GEMIN5: variants seen among roughly 807,000 people sequenced by gnomAD.
GEMIN5 encodes the protein gem-associated protein 5.
GEMIN5 carries 124 observed loss-of-function variants against 176.9 expected under a neutral mutation model. The ratio of observed to expected loss-of-function variants is 0.70; its 90% confidence interval spans 0.61 to 0.81. The LOEUF is 0.81. Ranked by LOEUF, GEMIN5 falls within the 40% of genes least tolerant of loss-of-function variation. The pLI is 0.00. For missense variants in GEMIN5, 1,843 were observed against 1,814.6 expected (o/e 1.02, Z -0.28); for synonymous variants, 673 against 665.2 (o/e 1.01, Z -0.18).
intron 3 of GEMIN5, 137 bp downstream of exon 3, chr5:154,935,704 T>C (rs1011995913): frequency 2.2e-5 from 14 of 622,966 alleles, no homozygotes; most frequent in Non-Finnish European, 3.7e-5. Context: ...GAATAAATGA[T>C]GCCAGGGGCT....
chr5:154,905,203 C>CA (rs933485601), intron 17 of GEMIN5, among the ~76,000 whole-genome samples, 160 bp downstream of exon 17: 4 of 151,764 alleles, frequency 2.6e-5, no homozygotes, highest in Non-Finnish European at 5.9e-5. Flanking sequence ...TCAAAACAAA[C>CA]AAAAAACAAA....
At chr5:154,907,560 T>C (rs1411058513) in intron 16 of GEMIN5, 31 bp downstream of exon 16, 2 of 1,538,512 alleles carry the variant, frequency 1.3e-6, no homozygotes, top group South Asian at 1.1e-5. Context: ...GACCATGAAA[T>C]CCTAGTGATA....
At chr5:154,897,275 T>C (rs1763370023) in intron 23 of GEMIN5, among the ~76,000 whole-genome samples, 1 of 152,218 alleles carries the variant, frequency 6.6e-6, no homozygotes, top group Admixed American at 6.5e-5. Context: ...GTAGGCCCTG[T>C]ACTCTGTTAG....
rs1763419326 is a variant in GEMIN5, at chr5:154,899,326, G to A, written c.3015-16C>T. On this transcript the variant is annotated splice_polypyrimidine_tract_variant and intron_variant, in intron 21 of 27. Transcript: ENST00000285873. ...AATAGCTTCCCTAAAGGCAAGAACA[G>A]ACCCTTTAGCCAATCTGAAAAGGCT... 1.2e-6 allele frequency: 2 copies of A among 1,600,712 alleles called. No homozygotes were observed. The highest frequency in any genetic ancestry group is 1.7e-5 in the Admixed American group (1 of 58,308).
At chr5:154,916,279 C>G (rs1212493496) in intron 13 of GEMIN5, among the ~76,000 whole-genome samples, 1 of 151,622 alleles carries the variant, frequency 6.6e-6, no homozygotes, top group Non-Finnish European at 1.5e-5. Context: ...GAGAAAAAAA[C>G]TGCAAGCACT....
intron 20 of GEMIN5, among the ~76,000 whole-genome samples, 163 bp downstream of exon 20, chr5:154,902,376 A>G (rs1763482796): frequency 6.6e-6 from 1 of 152,000 alleles, no homozygotes; most frequent in African/African-American, 2.4e-5. Flanking sequence ...TTTTTTTCAA[A>G]GGGGTTGGGT....
rs773620540 is a variant in GEMIN5 at position 154,920,047 on chromosome 5, C to CA, written c.1518dup (p.Val507CysfsTer5). ...AGCTTCCAGGGATTATGCTGTAAGA[C>CA]AATCCCTTCTCCTCCACAGCTGTAT... On this transcript the variant is annotated frameshift_variant, in exon 11 of 28. Transcript: ENST00000285873. LOFTEE classifies it high-confidence loss of function. The CA allele has an allele frequency of 6.2e-7, 1 of 1,609,272 alleles. No individual in the cohort carries two copies. Among genetic ancestry groups the CA allele is most frequent in the South Asian group, 1.1e-5 (1 of 90,968 alleles).
intron 27 of GEMIN5, 83 bp from the exon 28 acceptor site, chr5:154,888,460 A>G (rs1763154038): frequency 3.5e-6 from 4 of 1,159,064 alleles, no homozygotes; most frequent in Non-Finnish European, 3.7e-6. Flanking sequence ...CCAGTCACTC[A>G]GGTTCATCTA....
At chr5:154,893,128 G>A (rs932575461) in intron 24 of GEMIN5, among the ~76,000 whole-genome samples, 1 of 151,702 alleles carries the variant, frequency 6.6e-6, no homozygotes, top group African/African-American at 2.4e-5. Context: ...AAAACAAAAA[G>A]TGAGTTTCTG....
chr5:154,889,140 C>T (rs576583151), intron 27 of GEMIN5, among the ~76,000 whole-genome samples, 181 bp downstream of exon 27: 62 of 149,148 alleles, frequency 4.2e-4, no homozygotes, highest in Admixed American at 1.1e-3. Flanking sequence ...CCTCCCAAAG[C>T]GCTGGGATTA....
chr5:154,927,529 A>C lies in GEMIN5; in HGVS notation c.936T>G (p.Asp312Glu). 4 of 1,608,592 alleles carry C rather than the reference A, an allele frequency of 2.5e-6. No individual in the cohort carries two copies. The highest frequency in any genetic ancestry group is 3.4e-6 in the Non-Finnish European group (4 of 1,175,520). Residue 312 changes from aspartate to glutamate, a missense_variant, in exon 7 of 28, where the codon GAT becomes GAG. Physicochemically the swap from Asp to Glu is conservative, Grantham distance 45 (BLOSUM62 2). Coordinates refer to ENST00000285873, the MANE Select transcript of GEMIN5 (RefSeq NM_015465.5). ...SCFGGELLQW[D>E]LTQSWRRKYT... Reference sequence around the variant, plus strand: ...ATTTCCGTCTCCAAGATTGAGTGAGATCCCATTGCAACAGTTCACCTCTGT... The same window carrying C: ...ATTTCCGTCTCCAAGATTGAGTGAGCTCCCATTGCAACAGTTCACCTCTGT...
intron 24 of GEMIN5, among the ~76,000 whole-genome samples, chr5:154,892,822 G>A (rs1763263843): frequency 1.3e-5 from 2 of 152,214 alleles, no homozygotes; most frequent in Admixed American, 1.3e-4. Context: ...AAGTGGGCCA[G>A]GCGCGGTGGC....
At chr5:154,889,742 A>C (rs1763186332) in intron 26 of GEMIN5, among the ~76,000 whole-genome samples, 1 of 152,204 alleles carries the variant, frequency 6.6e-6, no homozygotes, top group Non-Finnish European at 1.5e-5. Flanking sequence ...TAGTTCATAT[A>C]AGTGGAGTCA....
intron 11 of GEMIN5, among the ~76,000 whole-genome samples, chr5:154,918,568 C>A (rs963930105): frequency 6.6e-6 from 1 of 152,208 alleles, no homozygotes; most frequent in African/African-American, 2.4e-5. Context: ...CTGATCCACA[C>A]ATTCAAGTGC....
intron 9 of GEMIN5, among the ~76,000 whole-genome samples, chr5:154,922,719 T>C (rs1447819610): frequency 1.4e-5 from 2 of 146,028 alleles, no homozygotes; most frequent in Non-Finnish European, 3.0e-5. Context: ...TTTTTTGAGA[T>C]GGAGTCTTGC....
At chr5:154,920,649 T>G (rs1582668959) in intron 10 of GEMIN5, among the ~76,000 whole-genome samples, 1 of 152,320 alleles carries the variant, frequency 6.6e-6, no homozygotes, top group East Asian at 1.9e-4. Context: ...AAATACCCAG[T>G]AAACATTTGT....
At position 154,919,949 on chromosome 5, in the gene GEMIN5, A is replaced by G. The variant is rs772220418; in HGVS notation, c.1599+18T>C. 64 of 1,609,944 alleles carry G rather than the reference A, an allele frequency of 4.0e-5. No homozygotes were observed. The highest frequency in any genetic ancestry group is 5.3e-5 in the Non-Finnish European group (63 of 1,178,074). ...CTGTGATGTAAAAAGAAAATACTTC[A>G]GGACCACAAGAACTCACTTTGATTG... On this transcript the variant is annotated intron_variant, in intron 11 of 27. Transcript: ENST00000285873.
rs1763703393 is a variant in GEMIN5, at chr5:154,911,732, G to A, written c.2162C>T (p.Pro721Leu). ...AGCTCTAGGTTCTGACTGACCTTGA[G>A]GAGGCCGGGAATGATCTTGCATGGA... ...LTSMQDHSRPPQGKKSIELEK... is the reference protein window; with the variant it reads ...LTSMQDHSRPLQGKKSIELEK... The change falls in exon 15 of 28, where the codon CCT (proline) becomes CTT (leucine). Residue 721 changes from proline (P) to leucine (L), a missense_variant. Physicochemically the swap from Pro to Leu is moderately conservative, Grantham distance 98. Coordinates refer to ENST00000285873, the MANE Select transcript of GEMIN5 (RefSeq NM_015465.5). 5.0e-6 allele frequency: 8 copies of A among 1,612,854 alleles called. No homozygotes were observed. Among genetic ancestry groups the A allele is most frequent in the Non-Finnish European group, 6.8e-6 (8 of 1,179,202 alleles).
chr5:154,900,877 T>C (rs925266068), intron 21 of GEMIN5, among the ~76,000 whole-genome samples: 2 of 10,936 alleles, frequency 1.8e-4, no homozygotes, highest in Admixed American at 2.9e-3. Flanking sequence ...GATATCAAAA[T>C]GTAGGAGGTA....
Sources: allele counts gnomAD v4.1 joint callset (sites outside exome capture counted in the v4.1 genomes callset), GRCh38; gene constraint gnomAD v4.1.1; transcripts MANE v1.5; gene names NCBI Gene and HGNC (gene_info 2026-07-23, HGNC 2026-07-21).